Variants in CYFIP1 observed in about 807,000 individuals in gnomAD.
CYFIP1 encodes the protein cytoplasmic FMR1 interacting protein 1.
In CYFIP1, 58 loss-of-function variants were observed where a neutral mutation model predicts 163.5. The ratio of observed to expected loss-of-function variants is 0.35; its 90% CI spans 0.29 to 0.44. The LOEUF is 0.44. Ranked by LOEUF, CYFIP1 falls within the 20% of genes least tolerant of loss-of-function variation. CYFIP1 has a pLI of 1.00. For missense variants in CYFIP1, 1,338 were observed against 1,653.8 expected (o/e 0.81, Z 3.31); for synonymous variants, 663 against 660.7 (o/e 1.00, Z -0.05).
chr15:22,894,175 C>T (rs187462642), intron 22 of CYFIP1, among the ~76,000 whole-genome samples: 11 of 151,598 alleles, frequency 7.3e-5, no homozygotes, highest in Admixed American at 3.9e-4. Context: ...ACAATGGTGA[C>T]GGCGGGGTGC....
At chr15:22,944,238 CAAA>C (rs34662161) in intron 5 of CYFIP1, among the ~76,000 whole-genome samples, 23,541 of 94,220 alleles carry the variant, frequency 0.25, 1,940 homozygotes, top group African/African-American at 0.37. Context: ...GACTCTGTCT[CAAA>C]AAAAAAAAAA....
intron 22 of CYFIP1, among the ~76,000 whole-genome samples, chr15:22,898,395 C>T (rs569956925): frequency 3.5e-4 from 53 of 152,156 alleles, no homozygotes; most frequent in African/African-American, 1.3e-3. Flanking sequence ...GTAGCTGGGA[C>T]TACAGATGTG....
chr15:22,965,001 G>A (rs2062854589), intron 1 of CYFIP1, among the ~76,000 whole-genome samples: 1 of 151,756 alleles, frequency 6.6e-6, no homozygotes, highest in African/African-American at 2.4e-5. Flanking sequence ...CAAATGACAG[G>A]ATTTCCTTCT....
At chr15:22,964,113 G>A (rs1425163335) in intron 1 of CYFIP1, among the ~76,000 whole-genome samples, 1 of 150,930 alleles carries the variant, frequency 6.6e-6, no homozygotes, top group African/African-American at 2.4e-5. Flanking sequence ...GTACCTTGTG[G>A]AATGGTTAAA....
At chr15:22,910,496 C>G in intron 20 of CYFIP1, 24 bp downstream of exon 20, 1 of 1,592,712 alleles carries the variant, frequency 6.3e-7, no homozygotes, top group African/African-American at 1.3e-5. Flanking sequence ...TCTACGTCCC[C>G]ACCACAGCCC....
chr15:22,975,794 G>A (rs1016885952), intron 1 of CYFIP1, among the ~76,000 whole-genome samples: 14 of 152,116 alleles, frequency 9.2e-5, no homozygotes, highest in African/African-American at 3.4e-4. Flanking sequence ...AACTGCACAG[G>A]GGGTTGGAAT....
chr15:22,972,361 C>G (rs761275788), intron 1 of CYFIP1, among the ~76,000 whole-genome samples: 3 of 152,018 alleles, frequency 2.0e-5, no homozygotes, highest in African/African-American at 7.2e-5. Flanking sequence ...CGCTTGAACC[C>G]GGGAGGCGGA....
At chr15:22,900,244 A>G (rs1335119054) in intron 22 of CYFIP1, among the ~76,000 whole-genome samples, 2 of 152,038 alleles carry the variant, frequency 1.3e-5, no homozygotes, top group Non-Finnish European at 2.9e-5. Context: ...CAGAGAGGAG[A>G]CTGGAGTGAT....
chr15:22,951,523 G>T (rs368179621), intron 1 of CYFIP1: 1 of 1,288,024 alleles, frequency 7.8e-7, no homozygotes, highest in Non-Finnish European at 1.0e-6. Flanking sequence ...GCCCCATAGG[G>T]GCTGCCCGTG....
intron 22 of CYFIP1, among the ~76,000 whole-genome samples, chr15:22,893,278 C>T (rs937131298): frequency 2.6e-5 from 4 of 152,326 alleles, no homozygotes; most frequent in East Asian, 1.9e-4. Flanking sequence ...TGCTGCGCTT[C>T]CAGACACGGC....
chr15:22,932,230 T>C lies in CYFIP1; in HGVS notation c.1103A>G (p.Asn368Ser). 6.2e-7 allele frequency: 1 copy of C among 1,610,290 alleles called. No individual in the cohort carries two copies. The highest frequency in any genetic ancestry group is 1.3e-5 in the African/African-American group (1 of 74,906). ...RFISELARYS[N>S]SEVVTGSGRQ... ...CCAGGTCGCGGGGCGCACCTCGCTG[T>C]TGCTGTAGCGCGCCAGCTCCGAAAT... The change falls in exon 11 of 31, where the codon AAC (asparagine) becomes AGC (serine). Residue 368 changes from asparagine to serine, a missense_variant. By Grantham distance (46) the Asn-to-Ser change is conservative (BLOSUM62 1). This residue lies in a region of CYFIP1 where 824 missense variants were observed against 995.7 expected (regional missense o/e 0.83). Coordinates refer to ENST00000617928, the MANE Select transcript of CYFIP1 (RefSeq NM_014608.6).
At chr15:22,928,293 G>C (rs985865454) in intron 11 of CYFIP1, among the ~76,000 whole-genome samples, 1 of 152,178 alleles carries the variant, frequency 6.6e-6, no homozygotes, top group South Asian at 2.1e-4. Flanking sequence ...TGAGGCAGGA[G>C]AATGGCGTGA....
In CYFIP1 at chr15:22,930,389, C is replaced by CAAAGAAAA. The variant is rs869052648; in HGVS notation, c.1110+1833_1110+1834insTTTTCTTT. Among the ~76,000 whole-genome samples, 706 of 114,026 alleles carry CAAAGAAAA rather than the reference C, an allele frequency of 6.2e-3. 8 individuals are homozygous for CAAAGAAAA. The highest frequency in any genetic ancestry group is 0.02 in the African/African-American group (643 of 31,868). The allele number at this position is 114,026 out of a possible 152,430, so 74.8% of individuals were successfully genotyped here. A position where few individuals can be genotyped will look rare whatever the true frequency, so the allele number is the denominator to read the frequency against. On this transcript the variant is annotated intron_variant, in intron 11 of 30. Coordinates refer to ENST00000617928, the MANE Select transcript of CYFIP1 (RefSeq NM_014608.6). ...CGACACAGCAAGACTCCGTCTCACCCAAAAAAAAAAAAAAAAAAAAAAACT... is the reference window on the plus strand; with the variant it reads ...CGACACAGCAAGACTCCGTCTCACCCAAAGAAAAAAAAAAAAAAAAAAAAAAAAAAACT...
chr15:22,877,073 CCTGCCAAAA>C (rs1360955935), intron 26 of CYFIP1, among the ~76,000 whole-genome samples: 5 of 152,072 alleles, frequency 3.3e-5, no homozygotes, highest in Non-Finnish European at 7.3e-5. Flanking sequence ...GTGGTTTGTC[CCTGCCAAAA>C]CTCATGGTGA....
chr15:22,894,875 A>ATTTT (rs1404769023), intron 22 of CYFIP1, among the ~76,000 whole-genome samples: 1 of 107,732 alleles, frequency 9.3e-6, no homozygotes, highest in African/African-American at 3.1e-5. Context: ...ATATATATAT[A>ATTTT]TATTTTTTTT....
At chr15:22,903,577 C>T (rs2060469052) in intron 22 of CYFIP1, 129 bp downstream of exon 22, 1 of 999,036 alleles carries the variant, frequency 1.0e-6, no homozygotes, top group South Asian at 1.5e-5. Flanking sequence ...CCTGCGTGCT[C>T]TTCATGTGAG....
intron 22 of CYFIP1, among the ~76,000 whole-genome samples, chr15:22,900,669 G>A (rs2060367541): frequency 6.6e-6 from 1 of 151,368 alleles, no homozygotes; most frequent in African/African-American, 2.4e-5. Flanking sequence ...CAAAGTGCTG[G>A]GATTACAGGC....
At chr15:22,980,858 T>C (rs1370690373), upstream of CYFIP1, among the ~76,000 whole-genome samples, 2 of 151,104 alleles carry the variant, frequency 1.3e-5, no homozygotes, top group African/African-American at 4.9e-5. Context: ...CAGAGCCCGC[T>C]GGGGACCCCC....
At chr15:22,872,293 C>CAAAAAAA (rs11327088) in intron 30 of CYFIP1, among the ~76,000 whole-genome samples, 13 of 111,380 alleles carry the variant, frequency 1.2e-4, no homozygotes, top group African/African-American at 2.8e-4. Context: ...GAAACTGTCT[C>CAAAAAAA]AAAAAAAAAA....
Sources: allele counts gnomAD v4.1 joint callset (sites outside exome capture counted in the v4.1 genomes callset), GRCh38; gene constraint gnomAD v4.1.1; regional missense constraint gnomAD v4.1.1; transcripts MANE v1.5; gene names NCBI Gene and HGNC (gene_info 2026-07-23, HGNC 2026-07-21).